ABCA3: variants seen among roughly 807,000 people sequenced by gnomAD.
ABCA3 encodes the protein phospholipid-transporting ATPase ABCA3.
In ABCA3, 88 loss-of-function variants were observed where a neutral mutation model predicts 172.8. The ratio of observed to expected loss-of-function variants is 0.51; its 90% CI spans 0.43 to 0.61. ABCA3 has a LOEUF of 0.61. Ranked by LOEUF, ABCA3 falls within the 20% of genes least tolerant of loss-of-function variation. The pLI is 0.00. For synonymous variants in ABCA3, 1,066 were observed against 983.8 expected (o/e 1.08, Z -1.56); for missense variants, 2,164 against 2,301.0 (o/e 0.94, Z 1.22).
chr16:2,318,014 G>A (rs1211948723), intron 8 of ABCA3, among the ~76,000 whole-genome samples: 1 of 152,210 alleles, frequency 6.6e-6, no homozygotes, highest in Non-Finnish European at 1.5e-5. Flanking sequence ...ATTCTGTAGA[G>A]CGATTCCACA....
intron 17 of ABCA3, 103 bp from the exon 18 acceptor site, chr16:2,295,843 G>C: frequency 6.6e-7 from 1 of 1,522,288 alleles, no homozygotes; most frequent in East Asian, 2.3e-5. Flanking sequence ...TGGTGGGAAG[G>C]AGGCTAGAGA....
chr16:2,321,024 C>T (rs1324521681), intron 7 of ABCA3, among the ~76,000 whole-genome samples: 1 of 127,948 alleles, frequency 7.8e-6, no homozygotes, highest in East Asian at 2.3e-4. Context: ...TAGGTCTTTT[C>T]GTGTCTGGCA....
intron 11 of ABCA3, among the ~76,000 whole-genome samples, chr16:2,307,036 A>G (rs1038543889): frequency 1.1e-4 from 17 of 148,368 alleles, no homozygotes; most frequent in African/African-American, 3.7e-4. Context: ...AAAAAAAAAA[A>G]AAAGAAAAGA....
chr16:2,280,099 G>T (rs2093652748), intron 28 of ABCA3, among the ~76,000 whole-genome samples: 1 of 151,992 alleles, frequency 6.6e-6, no homozygotes. Flanking sequence ...TACCTTTTTG[G>T]CTACTACCCC....
intron 1 of ABCA3, chr16:2,332,231 T>G: frequency 2.3e-6 from 1 of 436,830 alleles, no homozygotes; most frequent in Non-Finnish European, 4.1e-6. Flanking sequence ...ACTCCTCCAT[T>G]TCTTTTTTTT....
chr16:2,337,209 C>T (rs918142624), intron 1 of ABCA3, among the ~76,000 whole-genome samples: 6 of 151,866 alleles, frequency 4.0e-5, no homozygotes, highest in Non-Finnish European at 5.9e-5. Context: ...GCCACCATGT[C>T]TGTCTGGCCT....
chr16:2,287,392 G>A lies in ABCA3; in HGVS notation c.3005-425C>T, dbSNP rs1206976346. On this transcript the variant is annotated intron_variant, in intron 21 of 32. Coordinates refer to ENST00000301732, the MANE Select transcript of ABCA3 (RefSeq NM_001089.3). This position sits in a 1 kb window ranked among gnomAD's most constrained non-coding sequence, Gnocchi z 4.1. ...CCGCCCAGGTTCAAGCCATTCTCCTGCCTCAGCCTCCAGAGTAGCTGGGAT... is the reference window on the plus strand; with the variant it reads ...CCGCCCAGGTTCAAGCCATTCTCCTACCTCAGCCTCCAGAGTAGCTGGGAT... Among the ~76,000 whole-genome samples the A allele has an allele frequency of 6.6e-6, 1 of 151,984 alleles. No homozygotes were observed. The highest frequency in any genetic ancestry group is 6.6e-5 in the Admixed American group (1 of 15,264).
Position 2,297,910 on chromosome 16 carries a change from C to A in ABCA3, c.1908G>T (p.Leu636=), listed in dbSNP as rs1395054160. 2 of 1,613,722 alleles carry A rather than the reference C, an allele frequency of 1.2e-6. No individual in the cohort carries two copies. The highest frequency in any genetic ancestry group is 1.1e-5 in the South Asian group (1 of 91,076). The part of the protein sequence containing the change: ...HLYFYAQLKG[L]SRQKCPEEVK... ...CTTCTTCAGGGCACTTCTGACGTGA[C>A]AGGCCCTTCAGCTGCAACGACAGGG... is the stretch of plus-strand genomic sequence containing the variant. The change falls in exon 16 of 33, where the codon CTG becomes CTT. Residue 636 remains leucine (L), a synonymous_variant. Coordinates refer to ENST00000301732, the MANE Select transcript of ABCA3 (RefSeq NM_001089.3). This position sits in a 1 kb window ranked among gnomAD's most constrained non-coding sequence, Gnocchi z 5.6.
At chr16:2,329,317 T>A (rs370693295) in intron 2 of ABCA3, among the ~76,000 whole-genome samples, 1 of 152,142 alleles carries the variant, frequency 6.6e-6, no homozygotes, top group African/African-American at 2.4e-5. Context: ...CTGTGGTTTA[T>A]AAAAGGTTTC....
At chr16:2,320,740 T>C (rs1177086983) in intron 7 of ABCA3, among the ~76,000 whole-genome samples, 3 of 152,032 alleles carry the variant, frequency 2.0e-5, no homozygotes, top group Non-Finnish European at 4.4e-5. Flanking sequence ...GTCTAAGGCA[T>C]GGACATCTGG....
chr16:2,307,976 C>A (rs1312742225), intron 11 of ABCA3, among the ~76,000 whole-genome samples: 1 of 152,190 alleles, frequency 6.6e-6, no homozygotes, highest in Non-Finnish European at 1.5e-5. Flanking sequence ...CGCCTGTAAT[C>A]CTGGCTATTC....
In ABCA3 at chr16:2,297,446, T is replaced by C. The variant is rs2093681611; in HGVS notation, c.2146A>G (p.Ile716Val). 6.2e-7 allele frequency: 1 copy of C among 1,613,686 alleles called. No homozygotes were observed. The highest frequency in any genetic ancestry group is 8.5e-7 in the Non-Finnish European group (1 of 1,180,026). Reference sequence around the variant, plus strand: ...TCCATGAAGTGGGTGGTCAGCACGATGGTGCGGTCACTTTTCTGCCGCTGA... The same window carrying C: ...TCCATGAAGTGGGTGGTCAGCACGACGGTGCGGTCACTTTTCTGCCGCTGA... ...LLQRQKSDRT[I>V]VLTTHFMDEA... The change falls in exon 17 of 33, where the codon ATC becomes GTC. Residue 716 changes from isoleucine (I) to valine (V), a missense_variant. Transcript: ENST00000301732. The surrounding 1 kb of genome is among the most constrained non-coding windows in gnomAD (Gnocchi z 5.6).
intron 12 of ABCA3, among the ~76,000 whole-genome samples, chr16:2,302,169 G>C (rs987977379): frequency 6.6e-6 from 1 of 152,164 alleles, no homozygotes; most frequent in Non-Finnish European, 1.5e-5. Context: ...GTAAATCTCT[G>C]TTCGGGGCTC....
intron 1 of ABCA3, chr16:2,332,623 G>A (rs747027084): frequency 1.5e-4 from 245 of 1,593,972 alleles, no homozygotes; most frequent in Non-Finnish European, 2.0e-4. Flanking sequence ...TAGCGTGGGC[G>A]GCTCAATCTT....
Position 2,281,563 on chromosome 16 carries a change from CGTG to C in ABCA3, c.4036-57_4036-55del. 2.2e-6 allele frequency: 1 copy of C among 445,644 alleles called. No homozygotes were observed. Among genetic ancestry groups the C allele is most frequent in the Non-Finnish European group, 3.9e-6 (1 of 254,622 alleles). 27.6% of individuals were successfully genotyped at this position (445,644 alleles called of 1,614,324 possible). ...GTGAACCCAGCCGCAGGGCGGCTTC[CGTG>C]GAGAAGGGAGGGGCGGGGGTGGATG... On this transcript the variant is annotated intron_variant, in intron 26 of 32. Coordinates refer to ENST00000301732, the MANE Select transcript of ABCA3 (RefSeq NM_001089.3). This position sits in a 1 kb window ranked among gnomAD's most constrained non-coding sequence, Gnocchi z 4.7.
At chr16:2,295,831 G>A (rs563177392) in intron 17 of ABCA3, 91 bp from the exon 18 acceptor site, 7 of 1,563,892 alleles carry the variant, frequency 4.5e-6, no homozygotes, top group Non-Finnish European at 6.1e-6. Flanking sequence ...CACCAGGCAA[G>A]CTGGTGGGAA....
chr16:2,340,038 G>A (rs987450032), intron 1 of ABCA3, among the ~76,000 whole-genome samples: 1 of 152,234 alleles, frequency 6.6e-6, no homozygotes, highest in Non-Finnish European at 1.5e-5. Context: ...CGTGGGCCTT[G>A]GATTCGGATT....
chr16:2,315,164 T>C lies in ABCA3; in HGVS notation c.1111+2119A>G, dbSNP rs149935661. 3.9e-3 allele frequency among the ~76,000 whole-genome samples: 589 copies of C among 150,840 alleles called. 4 individuals carry two copies. The highest frequency in any genetic ancestry group is 0.013 in the African/African-American group (548 of 41,012). Reference sequence around the variant, plus strand: ...TCCCAAATTGCTGGGATTACAGGCGTGAGCCATGGTGCCCGGTCATAAATT... The same window carrying C: ...TCCCAAATTGCTGGGATTACAGGCGCGAGCCATGGTGCCCGGTCATAAATT... On this transcript the variant is annotated intron_variant, in intron 10 of 32. Transcript: ENST00000301732.
intron 1 of ABCA3, among the ~76,000 whole-genome samples, chr16:2,338,235 T>C (rs1455714776): frequency 2.0e-5 from 3 of 151,566 alleles, no homozygotes; most frequent in African/African-American, 7.3e-5. Context: ...ACAAACACTC[T>C]GAGCCATTCA....
Sources: allele counts gnomAD v4.1 joint callset (sites outside exome capture counted in the v4.1 genomes callset), GRCh38; gene constraint gnomAD v4.1.1; non-coding constraint Gnocchi (gnomAD v3.1); transcripts MANE v1.5; gene names NCBI Gene and HGNC (gene_info 2026-07-23, HGNC 2026-07-21).